KY: variants seen among roughly 807,000 people sequenced by gnomAD.
KY encodes kyphoscoliosis peptidase.
A neutral mutation model predicts 76.1 loss-of-function variants in KY; 43 were observed. The ratio of observed to expected loss-of-function variants is 0.57; its 90% CI spans 0.44 to 0.73. The LOEUF (loss-of-function observed/expected upper bound fraction) is 0.73, where lower values mean the gene tolerates loss of function less well. KY is among the 30% of genes least tolerant of loss of function. The pLI, the probability that KY is intolerant of heterozygous loss-of-function variation, is 0.00. For synonymous variants in KY, 277 were observed against 326.2 expected (o/e 0.85, Z 1.63); for missense variants, 722 against 828.9 (o/e 0.87, Z 1.58).
At chr3:134,643,461 G>A in intron 2 of KY, 83 bp from the exon 3 acceptor site, 3 of 1,235,114 alleles carry the variant, frequency 2.4e-6, no homozygotes, top group Non-Finnish European at 3.5e-6. Flanking sequence ...GTGTTTGCGG[G>A]AAAGGTGGGC....
chr3:134,632,598 G>A (rs910026863), intron 3 of KY, among the ~76,000 whole-genome samples: 4 of 151,860 alleles, frequency 2.6e-5, no homozygotes, highest in African/African-American at 9.7e-5. Context: ...GTGAGATGAA[G>A]CCAAAGCAGT....
rs371562261 is a variant in KY at position 134,650,511 on chromosome 3, G to T, written c.136+314C>A. ...GAGGCTCTGGCCGCCTTCCTCCAGGGTATCTTCCAATCTTGCTCTACACCC... is the reference window on the plus strand; with the variant it reads ...GAGGCTCTGGCCGCCTTCCTCCAGGTTATCTTCCAATCTTGCTCTACACCC... On this transcript the variant is annotated intron_variant, in intron 1 of 10. Coordinates refer to ENST00000423778, the MANE Select transcript of KY (RefSeq NM_178554.6). Among the ~76,000 whole-genome samples, 27 of 152,054 alleles carry T rather than the reference G, an allele frequency of 1.8e-4. 1 individual carries two copies. Among genetic ancestry groups the T allele is most frequent in the East Asian group, 1.8e-3 (9 of 5,142 alleles).
At chr3:134,637,873 A>G (rs1044378443) in intron 3 of KY, among the ~76,000 whole-genome samples, 1 of 152,232 alleles carries the variant, frequency 6.6e-6, no homozygotes, top group Non-Finnish European at 1.5e-5. Flanking sequence ...CCTCCAGGGC[A>G]GGGTGTTGAG....
At chr3:134,626,196 G>A (rs558163052) in intron 5 of KY, among the ~76,000 whole-genome samples, 1 of 152,332 alleles carries the variant, frequency 6.6e-6, no homozygotes, top group South Asian at 2.1e-4. Flanking sequence ...CCTGATCCAG[G>A]TGGACCCACC....
intron 2 of KY, among the ~76,000 whole-genome samples, chr3:134,645,190 G>T (rs937421185): frequency 3.3e-5 from 5 of 152,222 alleles, no homozygotes; most frequent in African/African-American, 1.2e-4. Flanking sequence ...TCACAGCAGG[G>T]GAAGCCCGTT....
chr3:134,615,349 C>CTTTTTTTTTTTT (rs35886668), intron 8 of KY: 1 of 96,156 alleles, frequency 1.0e-5, no homozygotes, highest in Non-Finnish European at 2.0e-5. Flanking sequence ...GTTCAAGAAG[C>CTTTTTTTTTTTT]TTTTTTTTTT....
intron 3 of KY, among the ~76,000 whole-genome samples, chr3:134,639,538 G>A (rs1377646473): frequency 6.6e-6 from 1 of 152,302 alleles, no homozygotes; most frequent in African/African-American, 2.4e-5. Flanking sequence ...TGGAAACATG[G>A]CAGTTTGACC....
Position 134,600,410 on chromosome 3 carries a change from C to G in KY, c.*3169G>C, listed in dbSNP as rs1248124158. On this transcript the variant is annotated 3_prime_UTR_variant, in exon 11 of 11. Transcript: ENST00000423778. ...CGAAATCCTTCATGCTTCAGTTAGT[C>G]TATTTATTTACTTTTAATCTTAGCA... Among the ~76,000 whole-genome samples, 2 of 152,174 alleles carry G rather than the reference C, an allele frequency of 1.3e-5. No individual in the cohort carries two copies. Among genetic ancestry groups the G allele is most frequent in the Admixed American group, 1.3e-4 (2 of 15,278 alleles).
At chr3:134,650,104 C>T (rs1966848139) in intron 1 of KY, among the ~76,000 whole-genome samples, 1 of 152,178 alleles carries the variant, frequency 6.6e-6, no homozygotes, top group African/African-American at 2.4e-5. Flanking sequence ...GTTCTGTCGT[C>T]TGGAGAACAG....
chr3:134,643,476 G>T, intron 2 of KY, 98 bp from the exon 3 acceptor site: 2 of 995,240 alleles, frequency 2.0e-6, no homozygotes, highest in Non-Finnish European at 1.6e-6. Context: ...GTGGGCTGGC[G>T]GGGGCCAAGC....
In KY at chr3:134,619,284, G is replaced by A; in HGVS notation, c.593-19C>T. On this transcript the variant is annotated intron_variant, in intron 7 of 10. Coordinates refer to ENST00000423778, the MANE Select transcript of KY (RefSeq NM_178554.6). ...TCATACTCTATAGGGCAGGTGAGGG[G>A]ATCATGAAGAGCTTGAGCCTGGGAG... The A allele has an allele frequency of 6.3e-7, 1 of 1,580,510 alleles. No homozygotes were observed. Among genetic ancestry groups the A allele is most frequent in the Non-Finnish European group, 8.7e-7 (1 of 1,149,392 alleles).
intron 3 of KY, chr3:134,641,098 C>T (rs1965698718): frequency 1.3e-5 from 2 of 152,428 alleles, no homozygotes. Context: ...GGCCTTCACG[C>T]TCACTGCTCC....
chr3:134,631,695 C>A (rs1226567828), intron 3 of KY, among the ~76,000 whole-genome samples: 4 of 151,516 alleles, frequency 2.6e-5, no homozygotes, highest in Non-Finnish European at 5.9e-5. Context: ...ATAATACATA[C>A]AAAAATAGCT....
intron 3 of KY, among the ~76,000 whole-genome samples, chr3:134,633,177 A>G (rs1202143886): frequency 1.3e-5 from 2 of 152,096 alleles, no homozygotes; most frequent in Non-Finnish European, 2.9e-5. Context: ...TCTAACAAAC[A>G]TTTAAAGTAA....
At chr3:134,629,277 G>T (rs1431449445) in intron 4 of KY, 2 of 258,996 alleles carry the variant, frequency 7.7e-6, no homozygotes, top group East Asian at 7.6e-5. Context: ...AGGTTAAAAA[G>T]TTAATAAATG....
intron 8 of KY, among the ~76,000 whole-genome samples, chr3:134,618,782 G>A (rs1048541370): frequency 1.3e-5 from 2 of 152,134 alleles, no homozygotes; most frequent in Non-Finnish European, 2.9e-5. Flanking sequence ...CAGCCCTGAG[G>A]ACAGCCTTTC....
rs76771379 is a variant in KY at position 134,642,187 on chromosome 3, G to T, written c.262+1129C>A. On this transcript the variant is annotated intron_variant, in intron 3 of 10. Transcript: ENST00000423778. ...TGGCCTTTCATCACTACCTGCCAGC[G>T]CCTTTCTATAGAGAAGCTTGTCCAC... Among the ~76,000 whole-genome samples the T allele has an allele frequency of 6.9e-3, 1,045 of 152,274 alleles. 14 individuals are homozygous for T. The highest frequency in any genetic ancestry group is 0.024 in the African/African-American group (1,003 of 41,548).
Position 134,604,134 on chromosome 3 carries a change from G to A in KY, c.1431C>T (p.Asp477=), listed in dbSNP as rs780116055. The A allele has an allele frequency of 6.8e-6, 11 of 1,607,704 alleles. No homozygotes were observed. Among genetic ancestry groups the A allele is most frequent in the East Asian group, 2.2e-5 (1 of 44,666 alleles). Residue 477 remains aspartate (D), a synonymous_variant, in exon 11 of 11, where the codon GAC becomes GAT. Coordinates refer to ENST00000423778, the MANE Select transcript of KY (RefSeq NM_178554.6). ...SHPDPIIHTS[D]GRCSISFSVE... is the part of the protein sequence containing the mutation. ...CGCTGAAGCTGATGGAGCAGCGCCC[G>A]TCGCTGGTGTGGATGATAGGGTCAG...
chr3:134,650,172 A>G (rs1434503764), intron 1 of KY, among the ~76,000 whole-genome samples: 1 of 152,180 alleles, frequency 6.6e-6, no homozygotes, highest in Non-Finnish European at 1.5e-5. Context: ...TATTTTACCA[A>G]TCTACAACTT....
Sources: allele counts gnomAD v4.1 joint callset (sites outside exome capture counted in the v4.1 genomes callset), GRCh38; gene constraint gnomAD v4.1.1; transcripts MANE v1.5; gene names NCBI Gene and HGNC (gene_info 2026-07-23, HGNC 2026-07-21).